The following EMP1 variants were observed in gnomAD, a reference collection of about 807,000 sequenced individuals.
EMP1 encodes epithelial membrane protein 1, also known as tumor-associated membrane protein.
EMP1 carries 5 observed loss-of-function variants against 15.7 expected under a neutral mutation model. The ratio of observed to expected loss-of-function variants is 0.32; its 90% CI spans 0.17 to 0.67. The LOEUF (loss-of-function observed/expected upper bound fraction) is 0.67. EMP1 is among the 30% of genes least tolerant of loss of function. The pLI is 0.74. For missense variants in EMP1, 166 were observed against 194.2 expected (o/e 0.85, Z 0.86); for synonymous variants, 78 against 76.7 (o/e 1.02, Z -0.09).
At position 13,217,446 on chromosome 12, in the gene EMP1, A is replaced by G. The variant is rs756886674; in HGVS notation, c.*2755A>G. ...CACAATGGAGGCTGAAAAGTTCAAC[A>G]TATTTTAAGTCAATTAATCAAATTG... On this transcript the variant is annotated 3_prime_UTR_variant, in exon 5 of 5. Transcript: ENST00000256951. 1 of 152,238 alleles carries G rather than the reference A, an allele frequency of 6.6e-6. No homozygotes were observed. The highest frequency in any genetic ancestry group is 1.5e-5 in the Non-Finnish European group (1 of 68,040). 9.4% of individuals were successfully genotyped at this position (152,238 alleles called of 1,614,324 possible).
At chr12:13,204,158 GTTCC>G (rs973501253) in intron 1 of EMP1, among the ~76,000 whole-genome samples, 1 of 152,148 alleles carries the variant, frequency 6.6e-6, no homozygotes, top group Non-Finnish European at 1.5e-5. Flanking sequence ...CCTACCTGAG[GTTCC>G]TTCCTTCCAC....
chr12:13,216,703 C>T lies in EMP1; in HGVS notation c.*2012C>T, dbSNP rs573602014. ...CTTCGTTAATAGATTATTTCATATA[C>T]TATAATTGTAAATATTTTGATACAA... On this transcript the variant is annotated 3_prime_UTR_variant, in exon 5 of 5. Coordinates refer to ENST00000256951, the MANE Select transcript of EMP1 (RefSeq NM_001423.3). 7.3e-6 allele frequency: 3 copies of T among 410,590 alleles called. No individual in the cohort carries two copies. The highest frequency in any genetic ancestry group is 1.3e-5 in the Non-Finnish European group (3 of 233,092). The allele number at this position is 410,590 out of a possible 1,614,324, so 25.4% of individuals were successfully genotyped here. A position where few individuals can be genotyped will look rare whatever the true frequency, so the allele number is the denominator to read the frequency against.
intron 1 of EMP1, among the ~76,000 whole-genome samples, chr12:13,204,955 A>AAAGAG (rs1354222954): frequency 5.9e-5 from 9 of 152,190 alleles, no homozygotes; most frequent in Non-Finnish European, 8.8e-5. Flanking sequence ...ACCATGCTAG[A>AAAGAG]AAGAGGAAGA....
At position 13,211,803 on chromosome 12, in the gene EMP1, G is replaced by A; in HGVS notation, c.78+215G>A. Reference sequence around the variant, plus strand: ...AGGAGTAATCCTGCCAGAGCTGTAGGTGGTTAAGGGCTGGAGGATCTAGTG... The same window carrying A: ...AGGAGTAATCCTGCCAGAGCTGTAGATGGTTAAGGGCTGGAGGATCTAGTG... On this transcript the variant is annotated intron_variant, in intron 2 of 4. Coordinates refer to ENST00000256951, the MANE Select transcript of EMP1 (RefSeq NM_001423.3). The surrounding 1 kb of genome is among the most constrained non-coding windows in gnomAD (Gnocchi z 4.7). 1.7e-6 allele frequency: 1 copy of A among 575,526 alleles called. No homozygotes were observed. The highest frequency in any genetic ancestry group is 3.0e-6 in the Non-Finnish European group (1 of 328,178). 35.7% of individuals were successfully genotyped at this position (575,526 alleles called of 1,614,324 possible).
At position 13,213,717 on chromosome 12, in the gene EMP1, C is replaced by T. The variant is rs528476175; in HGVS notation, c.212C>T (p.Ser71Phe). 1 of 1,614,198 alleles carries T rather than the reference C, an allele frequency of 6.2e-7. No individual in the cohort carries two copies. The highest frequency in any genetic ancestry group is 2.2e-5 in the East Asian group (1 of 44,882). ...LKTVQAFMILSIIFCVIALLV... is the reference protein window; with the variant it reads ...LKTVQAFMILFIIFCVIALLV... ...ACAGTGCAGGCCTTCATGATTCTCT[C>T]TATCATCTTCTGTGTCATTGCCCTC... The change falls in exon 4 of 5, where the codon TCT (serine) becomes TTT (phenylalanine). Residue 71 changes from serine (S) to phenylalanine (F), a missense_variant. Coordinates refer to ENST00000256951, the MANE Select transcript of EMP1 (RefSeq NM_001423.3).
chr12:13,202,193 T>C (rs1864071985), intron 1 of EMP1, among the ~76,000 whole-genome samples: 1 of 152,210 alleles, frequency 6.6e-6, no homozygotes, highest in African/African-American at 2.4e-5. Context: ...CCACCCTCAA[T>C]GTTTCAAGGC....
Position 13,207,788 on chromosome 12 carries a change from T to C in EMP1, c.-42-3681T>C, listed in dbSNP as rs192946486. 2.0e-5 allele frequency among the ~76,000 whole-genome samples: 3 copies of C among 152,322 alleles called. No homozygotes were observed. The East Asian group carries it at 5.8e-4, about 29-fold the overall frequency. ...AGTGGTGGGTACAGAAATGTGTTCC[T>C]GGCATCCACATAGAAGTCAGTGGAC... On this transcript the variant is annotated intron_variant, in intron 1 of 4. Coordinates refer to ENST00000256951, the MANE Select transcript of EMP1 (RefSeq NM_001423.3).
chr12:13,203,364 G>C (rs1295146005), intron 1 of EMP1, among the ~76,000 whole-genome samples: 2 of 152,338 alleles, frequency 1.3e-5, no homozygotes, highest in Non-Finnish European at 2.9e-5. Context: ...GCTGCAGTCT[G>C]GGGGAGTAGG....
At chr12:13,201,644 C>T (rs969025725) in intron 1 of EMP1, among the ~76,000 whole-genome samples, 3 of 152,128 alleles carry the variant, frequency 2.0e-5, no homozygotes, top group African/African-American at 7.2e-5. Flanking sequence ...GCCTCCTCTG[C>T]CCCATCCACT....
At chr12:13,206,130 G>T (rs1287901416) in intron 1 of EMP1, among the ~76,000 whole-genome samples, 1 of 152,164 alleles carries the variant, frequency 6.6e-6, no homozygotes, top group East Asian at 1.9e-4. Flanking sequence ...AAGGATGTGA[G>T]ATAAGTAATG....
intron 1 of EMP1, among the ~76,000 whole-genome samples, chr12:13,208,774 G>A (rs1382983038): frequency 4.6e-5 from 7 of 152,206 alleles, no homozygotes; most frequent in African/African-American, 1.7e-4. Context: ...ATGAAAGAGA[G>A]TCGCTCTTTT....
At chr12:13,200,868 T>G (rs927292943) in intron 1 of EMP1, among the ~76,000 whole-genome samples, 3 of 152,338 alleles carry the variant, frequency 2.0e-5, no homozygotes, top group Middle Eastern at 3.4e-3. Flanking sequence ...TGGACTTACG[T>G]GGCTGTGACA....
rs1864243871 is a variant in EMP1 at position 13,219,851 on chromosome 12, T to C, written c.*5160T>C. The C allele has an allele frequency of 6.6e-6, 1 of 152,212 alleles. No homozygotes were observed. The highest frequency in any genetic ancestry group is 2.4e-5 in the African/African-American group (1 of 41,454). The allele number at this position is 152,212 out of a possible 1,614,324, so 9.4% of individuals were successfully genotyped here. ...AGAGTATATTTTTCCATACGAAAAA[T>C]TCAGAACTATTTTATTTATGATATG... On this transcript the variant is annotated 3_prime_UTR_variant, in exon 5 of 5. Transcript: ENST00000256951.
chr12:13,205,631 A>G (rs778566272), intron 1 of EMP1, among the ~76,000 whole-genome samples: 1 of 152,206 alleles, frequency 6.6e-6, no homozygotes, highest in Non-Finnish European at 1.5e-5. Context: ...TTGAACAGAT[A>G]TTTATTTGGT....
At position 13,213,488 on chromosome 12, in the gene EMP1, G is replaced by T. The variant is rs879004937; in HGVS notation, c.88G>T (p.Val30Phe). 4.3e-6 allele frequency: 7 copies of T among 1,614,136 alleles called. No homozygotes were observed. In the South Asian group the frequency reaches 6.6e-5, roughly 15 times the overall value. Residue 30 changes from valine to phenylalanine, a missense_variant, in exon 3 of 5, where the codon GTT becomes TTT. Coordinates refer to ENST00000256951, the MANE Select transcript of EMP1 (RefSeq NM_001423.3). ...TTCCTTCTGGTTTCAGGTCTGGTTG[G>T]TTTCCAATACGGTAGATGCATCAGT... is the stretch of plus-strand genomic sequence containing the variant. ...FVSTIANVWL[V>F]SNTVDASVGL...
intron 1 of EMP1, among the ~76,000 whole-genome samples, chr12:13,208,227 A>G (rs1030915104): frequency 1.3e-5 from 2 of 152,232 alleles, no homozygotes; most frequent in African/African-American, 4.8e-5. Context: ...GGGGCAGAGA[A>G]TGAATCTCCC....
chr12:13,202,045 G>A (rs1035072739), intron 1 of EMP1, among the ~76,000 whole-genome samples: 1 of 152,044 alleles, frequency 6.6e-6, no homozygotes, highest in African/African-American at 2.4e-5. Flanking sequence ...GTGTGTTGAG[G>A]GAGGAGGCAG....
chr12:13,199,663 C>T (rs537437608), intron 1 of EMP1: 18 of 152,272 alleles, frequency 1.2e-4, no homozygotes, highest in African/African-American at 3.9e-4. Context: ...AGATGGCCAT[C>T]CTACAGATCT....
intron 1 of EMP1, chr12:13,209,361 C>A (rs1864143768): frequency 6.6e-6 from 1 of 152,054 alleles, no homozygotes; most frequent in Admixed American, 6.5e-5. Context: ...TTAGAGGTCT[C>A]CCCCCTTAAG....
Sources: allele counts gnomAD v4.1 joint callset (sites outside exome capture counted in the v4.1 genomes callset), GRCh38; gene constraint gnomAD v4.1.1; non-coding constraint Gnocchi (gnomAD v3.1); transcripts MANE v1.5; gene names NCBI Gene and HGNC (gene_info 2026-07-23, HGNC 2026-07-21).